Variants in RANBP3 observed in about 807,000 individuals in gnomAD.
RANBP3 encodes the protein ran-binding protein 3.
In RANBP3, 14 loss-of-function variants were observed where a neutral mutation model predicts 77.3. That is an observed-to-expected ratio of 0.18 (90% CI 0.12 to 0.28). RANBP3 has a LOEUF of 0.28. RANBP3 is among the 10% of genes least tolerant of loss of function. RANBP3 has a pLI of 1.00. For synonymous variants in RANBP3, 315 were observed against 312.4 expected, an observed-to-expected ratio of 1.01 and a Z score of -0.09; for missense variants, 586 against 752.3, an observed-to-expected ratio of 0.78 and a Z score of 2.59.
intron 2 of RANBP3, among the ~76,000 whole-genome samples, chr19:5,954,686 C>A (rs1406127719): frequency 1.3e-5 from 2 of 152,146 alleles, no homozygotes; most frequent in African/African-American, 4.8e-5. Context: ...AAGCTCGGTC[C>A]CAGCTCGGCT....
chr19:5,931,025 C>T (rs1055795296), intron 8 of RANBP3, among the ~76,000 whole-genome samples: 12 of 152,192 alleles, frequency 7.9e-5, no homozygotes, highest in Admixed American at 1.3e-4. Flanking sequence ...AGCCGTTCCT[C>T]GGGCCCTAGT....
At chr19:5,936,202 T>G (rs2058062445) in intron 5 of RANBP3, among the ~76,000 whole-genome samples, 1 of 152,188 alleles carries the variant, frequency 6.6e-6, no homozygotes, top group African/African-American at 2.4e-5. Context: ...ACGGCGCTGG[T>G]GCAGGGTGGG....
At chr19:5,972,786 G>A (rs1333780106) in intron 1 of RANBP3, among the ~76,000 whole-genome samples, 1 of 152,078 alleles carries the variant, frequency 6.6e-6, no homozygotes, top group Non-Finnish European at 1.5e-5. Flanking sequence ...AATGCCACTC[G>A]AAGCTCACCC....
intron 1 of RANBP3, among the ~76,000 whole-genome samples, chr19:5,977,237 T>C (rs2058603181): frequency 6.6e-6 from 1 of 151,424 alleles, no homozygotes; most frequent in Non-Finnish European, 1.5e-5. Context: ...CTCAGAAGTC[T>C]TGAAGCTACA....
chr19:5,939,703 G>C (rs181653699), intron 5 of RANBP3, among the ~76,000 whole-genome samples: 1 of 152,202 alleles, frequency 6.6e-6, no homozygotes, highest in Admixed American at 6.5e-5. Context: ...TCCCACGGGA[G>C]GAGACGGAAC....
At chr19:5,946,242 C>A (rs1343551565) in intron 3 of RANBP3, among the ~76,000 whole-genome samples, 1 of 152,210 alleles carries the variant, frequency 6.6e-6, no homozygotes, top group Non-Finnish European at 1.5e-5. Context: ...TCCTACAACA[C>A]AGTTCATTCA....
chr19:5,962,398 G>A (rs1394187179), intron 1 of RANBP3, among the ~76,000 whole-genome samples: 6 of 152,100 alleles, frequency 3.9e-5, no homozygotes, highest in Admixed American at 6.5e-5. Context: ...ACCCCTAGAT[G>A]TAAGTTCTAG....
chr19:5,955,096 T>C (rs2145200027), intron 2 of RANBP3, among the ~76,000 whole-genome samples: 1 of 152,390 alleles, frequency 6.6e-6, no homozygotes, highest in South Asian at 2.1e-4. Flanking sequence ...GCCAATATTT[T>C]GATAAGAACT....
At chr19:5,950,544 G>A (rs1443143703) in intron 3 of RANBP3, 1 of 152,206 alleles carries the variant, frequency 6.6e-6, no homozygotes, top group African/African-American at 2.4e-5. Context: ...TGAGGTCCGG[G>A]ATAAGGTTTG....
intron 12 of RANBP3, among the ~76,000 whole-genome samples, 154 bp downstream of exon 12, chr19:5,923,658 A>C (rs2057858881): frequency 6.6e-6 from 1 of 151,994 alleles, no homozygotes; most frequent in African/African-American, 2.4e-5. Context: ...ACCCTTGCTC[A>C]CTGCAAGGCA....
chr19:5,948,533 T>C (rs1359512638), intron 3 of RANBP3, among the ~76,000 whole-genome samples: 1 of 151,928 alleles, frequency 6.6e-6, no homozygotes, highest in African/African-American at 2.4e-5. Context: ...GTCTGGCAAG[T>C]TAGAAAACCT....
chr19:5,937,831 G>A (rs1432320742), intron 5 of RANBP3, among the ~76,000 whole-genome samples: 1 of 152,162 alleles, frequency 6.6e-6, no homozygotes, highest in Non-Finnish European at 1.5e-5. Context: ...GTTGCTCACA[G>A]ACCTCAGAAG....
chr19:5,963,944 G>C (rs1241614941), intron 1 of RANBP3, among the ~76,000 whole-genome samples: 1 of 152,176 alleles, frequency 6.6e-6, no homozygotes, highest in East Asian at 1.9e-4. Flanking sequence ...TTGTGATCCT[G>C]TGATGATCAC....
At chr19:5,927,745 T>G (rs1189434431) in intron 9 of RANBP3, among the ~76,000 whole-genome samples, 2 of 152,170 alleles carry the variant, frequency 1.3e-5, no homozygotes, top group East Asian at 3.9e-4. Context: ...GAGAAGTCAC[T>G]GCAGGTGAGG....
intron 13 of RANBP3, 66 bp downstream of exon 13, chr19:5,923,128 C>G: frequency 7.7e-7 from 1 of 1,296,518 alleles, no homozygotes. Flanking sequence ...GTGGGCCCAG[C>G]CCTTGCGGTT....
At chr19:5,975,035 C>T (rs532903651) in intron 1 of RANBP3, among the ~76,000 whole-genome samples, 23 of 152,332 alleles carry the variant, frequency 1.5e-4, no homozygotes, top group African/African-American at 4.6e-4. Context: ...AGAGCTTAAA[C>T]AGCAAGAACA....
intron 5 of RANBP3, among the ~76,000 whole-genome samples, chr19:5,935,159 C>A (rs1445534503): frequency 4.6e-5 from 7 of 152,202 alleles, no homozygotes; most frequent in Admixed American, 4.6e-4. Context: ...GACTCCAAAT[C>A]AAGATTCAGC....
rs1384513386 is a variant in RANBP3, at chr19:5,917,514, G to GC, written c.*95dup. On this transcript the variant is annotated 3_prime_UTR_variant, in exon 17 of 17. Coordinates refer to ENST00000340578, the MANE Select transcript of RANBP3 (RefSeq NM_007322.3). ...GGCCCAGTGGGGTGTGTGGTTCCCG[G>GC]CCCCGCACCTGGACGCTGCCGGTGG... The GC allele has an allele frequency of 9.4e-6, 13 of 1,388,242 alleles. No individual in the cohort carries two copies. The African/African-American group carries it at 1.7e-4, about 19-fold the overall frequency. 86.0% of individuals were successfully genotyped at this position (1,388,242 alleles called of 1,614,324 possible).
At chr19:5,976,210 C>T (rs958824366) in intron 1 of RANBP3, among the ~76,000 whole-genome samples, 15 of 152,114 alleles carry the variant, frequency 9.9e-5, no homozygotes, top group African/African-American at 2.9e-4. Context: ...ATGGGATGGG[C>T]AGGTGTAGTG....
Sources: allele counts gnomAD v4.1 joint callset (sites outside exome capture counted in the v4.1 genomes callset), GRCh38; gene constraint gnomAD v4.1.1; transcripts MANE v1.5; gene names NCBI Gene and HGNC (gene_info 2026-07-23, HGNC 2026-07-21).